Variants in ARMC2 observed in about 807,000 individuals in gnomAD.
ARMC2 encodes the protein armadillo repeat-containing protein 2.
Under a neutral mutation model 90.3 loss-of-function variants are expected in ARMC2, and 67 were observed. The ratio of observed to expected loss-of-function variants is 0.74; its 90% confidence interval spans 0.61 to 0.91. ARMC2 has a LOEUF of 0.91. Ranked by LOEUF, ARMC2 falls within the 40% of genes least tolerant of loss-of-function variation. The probability of loss-of-function intolerance (pLI) is 0.00; values close to 1 mark genes in which losing one functional copy is unlikely to be tolerated. For missense variants in ARMC2, 920 were observed against 1,030.9 expected (o/e 0.89, Z 1.47); for synonymous variants, 393 against 393.0 (o/e 1.00, Z 0.00).
intron 10 of ARMC2, among the ~76,000 whole-genome samples, chr6:108,920,848 C>G (rs1400819226): frequency 6.6e-6 from 1 of 152,082 alleles, no homozygotes; most frequent in Non-Finnish European, 1.5e-5. Context: ...AGAGAGGGAC[C>G]AGGTAGGGGC....
intron 10 of ARMC2, among the ~76,000 whole-genome samples, chr6:108,918,324 A>AGGGATCCCACCACTTTGTTTGGAGCC: frequency 6.6e-6 from 1 of 152,072 alleles, no homozygotes; most frequent in East Asian, 1.9e-4. Flanking sequence ...GTAGGAGAAG[A>AGGGATCCCACCACTTTGTTTGGAGCC]GGGATCCCAC....
intron 11 of ARMC2, among the ~76,000 whole-genome samples, chr6:108,936,089 T>A (rs1260575565): frequency 1.3e-5 from 2 of 152,126 alleles, no homozygotes; most frequent in Non-Finnish European, 2.9e-5. Context: ...GCCTTACGGG[T>A]TTTGTTTGCT....
intron 5 of ARMC2, among the ~76,000 whole-genome samples, chr6:108,892,761 A>AC (rs1175098238): frequency 1.1e-5 from 1 of 87,562 alleles, no homozygotes; most frequent in African/African-American, 3.6e-5. Flanking sequence ...CTCCATCTCA[A>AC]AAAAAAAAAA....
chr6:109,001,454 T>C, the ARMC2 span: 19 of 1,613,612 alleles, frequency 1.2e-5, no homozygotes, highest in South Asian at 1.2e-4. Context: ...AAATAAAGCA[T>C]GCATCTGTGC....
intron 17 of ARMC2, among the ~76,000 whole-genome samples, chr6:108,968,673 T>TA (rs1159122732): frequency 6.6e-6 from 1 of 152,126 alleles, no homozygotes; most frequent in Non-Finnish European, 1.5e-5. Context: ...TCAATTCTTT[T>TA]ACAAAGATAG....
At position 108,875,891 on chromosome 6, in the gene ARMC2, GC is replaced by G. The variant is rs146383686; in HGVS notation, c.464-250del. Among the ~76,000 whole-genome samples the G allele has an allele frequency of 5.0e-4, 76 of 152,260 alleles. 1 individual carries two copies. The highest frequency in any genetic ancestry group is 1.8e-3 in the African/African-American group (75 of 41,548). On this transcript the variant is annotated intron_variant, in intron 4 of 17. Coordinates refer to ENST00000392644, the MANE Select transcript of ARMC2 (RefSeq NM_032131.6). ...TTTATGAGCCTGAAGTTGCGTGTTT[GC>G]CTTCAAGTAGACTCTAAGCTGGTAG... is the stretch of plus-strand genomic sequence containing the variant.
chr6:109,042,065 T>C, the ARMC2 span, among the ~76,000 whole-genome samples: 1 of 152,010 alleles, frequency 6.6e-6, no homozygotes, highest in African/African-American at 2.4e-5. Context: ...AATGGAAGCC[T>C]GGACACATTT....
the ARMC2 span, chr6:108,994,409 A>G: frequency 6.8e-7 from 1 of 1,466,144 alleles, no homozygotes; most frequent in East Asian, 2.3e-5. Flanking sequence ...AATTCTCTAA[A>G]TAAAAAGTTG....
intron 17 of ARMC2, among the ~76,000 whole-genome samples, chr6:108,966,040 CAGTA>C (rs1457245477): frequency 2.7e-5 from 4 of 147,790 alleles, no homozygotes; most frequent in African/African-American, 5.1e-5. Context: ...TGATTTGGGT[CAGTA>C]AGTGAGTGTT....
chr6:108,862,342 C>CAAAAAAAAAAA lies in ARMC2; in HGVS notation c.291+4077_291+4087dup, dbSNP rs71551359. Among the ~76,000 whole-genome samples, 16 of 36,512 alleles carry CAAAAAAAAAAA rather than the reference C, an allele frequency of 4.4e-4. 1 individual carries two copies. The highest frequency in any genetic ancestry group is 2.5e-3 in the East Asian group (3 of 1,196). The allele number at this position is 36,512 out of a possible 152,430, so 24.0% of individuals were successfully genotyped here. ...CTGGGTAATAGAGTGAGACTCATCT[C>CAAAAAAAAAAA]AAAAAAAAAAAAAAAACAAAAAAAA... On this transcript the variant is annotated intron_variant, in intron 3 of 17. Coordinates refer to ENST00000392644, the MANE Select transcript of ARMC2 (RefSeq NM_032131.6).
chr6:108,960,085 G>C (rs1777881450), intron 13 of ARMC2, among the ~76,000 whole-genome samples: 1 of 152,096 alleles, frequency 6.6e-6, no homozygotes, highest in African/African-American at 2.4e-5. Context: ...TCCTCTCCTG[G>C]GGGTGCTTCA....
chr6:108,996,683 G>A, the ARMC2 span, among the ~76,000 whole-genome samples: 1 of 152,050 alleles, frequency 6.6e-6, no homozygotes, highest in East Asian at 1.9e-4. Context: ...TTAAAATTGT[G>A]TAAGAAAACT....
At chr6:109,027,292 G>A in the ARMC2 span, among the ~76,000 whole-genome samples, 3 of 151,954 alleles carry the variant, frequency 2.0e-5, no homozygotes, top group Non-Finnish European at 4.4e-5. Flanking sequence ...GGCCAACATG[G>A]TGAAACCCCG....
chr6:109,047,492 G>C, the ARMC2 span, among the ~76,000 whole-genome samples: 5 of 123,828 alleles, frequency 4.0e-5, 1 homozygote, highest in African/African-American at 8.9e-5. Flanking sequence ...CCCCCTGCCC[G>C]GCCAGCCGCC....
In ARMC2 at chr6:108,951,398, T is replaced by C. The variant is rs549856036; in HGVS notation, c.1597-1635T>C. Among the ~76,000 whole-genome samples the C allele has an allele frequency of 9.8e-5, 15 of 152,304 alleles. 1 individual carries two copies. In the East Asian group the frequency reaches 1.9e-3, roughly 20 times the overall value. ...TGGAGTCAGGAGCAGGGTCTCCTAA[T>C]TGGACGACCACTATGGCTGGTTGAA... On this transcript the variant is annotated intron_variant, in intron 12 of 17. Coordinates refer to ENST00000392644, the MANE Select transcript of ARMC2 (RefSeq NM_032131.6).
At chr6:108,976,128 A>G (rs1778979403), downstream of ARMC2, among the ~76,000 whole-genome samples, 1 of 152,084 alleles carries the variant, frequency 6.6e-6, no homozygotes, top group Admixed American at 6.5e-5. Flanking sequence ...TAGGGTTTTT[A>G]TGGTTTTAGG....
At chr6:109,011,008 A>G in the ARMC2 span, among the ~76,000 whole-genome samples, 78 of 152,376 alleles carry the variant, frequency 5.1e-4, no homozygotes, top group African/African-American at 1.9e-3. Context: ...AGGTAGAAGT[A>G]TGTGAAAAAT....
intron 12 of ARMC2, among the ~76,000 whole-genome samples, chr6:108,950,182 G>A (rs776372605): frequency 6.6e-6 from 1 of 152,008 alleles, no homozygotes; most frequent in Non-Finnish European, 1.5e-5. Flanking sequence ...CTCTAGCCTG[G>A]GCGACAGAGC....
Position 108,928,249 on chromosome 6 carries a change from C to A in ARMC2, c.1496+16C>A. Reference sequence around the variant, plus strand: ...GAATATTCAGGTAGGTAGACTAAGACGTGAAGTAGCCTTACAAAAATGCTA... The same window carrying A: ...GAATATTCAGGTAGGTAGACTAAGAAGTGAAGTAGCCTTACAAAAATGCTA... On this transcript the variant is annotated intron_variant, in intron 11 of 17. Transcript: ENST00000392644. 6.9e-7 allele frequency: 1 copy of A among 1,452,932 alleles called. No homozygotes were observed. The highest frequency in any genetic ancestry group is 1.6e-5 in the South Asian group (1 of 63,986). 90.0% of individuals were successfully genotyped at this position (1,452,932 alleles called of 1,614,324 possible). A position where few individuals can be genotyped will look rare whatever the true frequency, so the allele number is the denominator to read the frequency against.
Sources: allele counts gnomAD v4.1 joint callset (sites outside exome capture counted in the v4.1 genomes callset), GRCh38; gene constraint gnomAD v4.1.1; transcripts MANE v1.5; gene names NCBI Gene and HGNC (gene_info 2026-07-23, HGNC 2026-07-21).